The following SDK2 variants were observed in gnomAD, a reference collection of about 807,000 sequenced individuals.
SDK2 encodes sidekick cell adhesion molecule 2.
SDK2 carries 105 observed loss-of-function variants against 253.9 expected under a neutral mutation model. That is an observed-to-expected ratio of 0.41 (90% CI 0.35 to 0.49). The LOEUF is 0.49. SDK2 is among the 20% of genes least tolerant of loss of function. The pLI is 0.06. For synonymous variants in SDK2, 1,249 were observed against 1,234.9 expected, an observed-to-expected ratio of 1.01 and a Z score of -0.24; for missense variants, 2,608 against 3,003.0, an observed-to-expected ratio of 0.87 and a Z score of 3.07.
intron 18 of SDK2, among the ~76,000 whole-genome samples, chr17:73,412,296 G>A (rs899090641): frequency 4.0e-5 from 6 of 148,356 alleles, no homozygotes; most frequent in South Asian, 2.1e-4. Context: ...ATATATATAT[G>A]TGTGTATATA....
intron 1 of SDK2, among the ~76,000 whole-genome samples, chr17:73,523,366 G>T (rs957953740): frequency 1.3e-5 from 2 of 151,948 alleles, no homozygotes; most frequent in African/African-American, 4.8e-5. Context: ...ATTAAGGGCT[G>T]AATTGCACTG....
At chr17:73,627,687 C>A (rs369064805) in intron 1 of SDK2, among the ~76,000 whole-genome samples, 1 of 152,210 alleles carries the variant, frequency 6.6e-6, no homozygotes, top group African/African-American at 2.4e-5. Flanking sequence ...GGGTCAGCCA[C>A]GTTCCCAAAT....
intron 36 of SDK2, among the ~76,000 whole-genome samples, chr17:73,375,193 C>T (rs114741908): frequency 2.2e-3 from 299 of 138,370 alleles, no homozygotes; most frequent in African/African-American, 7.7e-3. Context: ...GGTTTTTGCT[C>T]AAATATCACC....
chr17:73,348,689 G>T lies in SDK2; in HGVS notation c.6075C>A (p.Tyr2025Ter), dbSNP rs1246809361. The part of the protein sequence containing the change: ...PPRPSPGSLH[Y>*]SDEDVTKYND... Reference sequence around the variant, plus strand: ...TGTATTTGGTGACATCCTCATCCGAGTAGTGCAGGCTGCCTGGGCTGGGCC... The same window carrying T: ...TGTATTTGGTGACATCCTCATCCGATTAGTGCAGGCTGCCTGGGCTGGGCC... Residue 2025 changes from tyrosine to a stop codon, truncating the protein, a stop_gained, in exon 44 of 45, where the codon TAC becomes TAA. Transcript: ENST00000392650. LOFTEE classifies it high-confidence loss of function. The T allele has an allele frequency of 6.2e-7, 1 of 1,611,422 alleles. No individual in the cohort carries two copies. The highest frequency in any genetic ancestry group is 8.5e-7 in the Non-Finnish European group (1 of 1,179,736).
At position 73,396,662 on chromosome 17, in the gene SDK2, G is replaced by A. The variant is rs151067704; in HGVS notation, c.3355-1270C>T. Among the ~76,000 whole-genome samples the A allele has an allele frequency of 2.0e-5, 3 of 152,324 alleles. No individual in the cohort carries two copies. The East Asian group carries it at 5.8e-4, about 29-fold the overall frequency. On this transcript the variant is annotated intron_variant, in intron 24 of 44. Transcript: ENST00000392650. Reference sequence around the variant, plus strand: ...AATGGACCACGCACCATTAAGCGTGGGCCTGAGAAGTGTCTAGGGCCCTGT... The same window carrying A: ...AATGGACCACGCACCATTAAGCGTGAGCCTGAGAAGTGTCTAGGGCCCTGT...
At chr17:73,500,202 TCCTC>T (rs1472233241) in intron 2 of SDK2, among the ~76,000 whole-genome samples, 7 of 131,774 alleles carry the variant, frequency 5.3e-5, no homozygotes, top group African/African-American at 2.1e-4. Flanking sequence ...CCTCCATCCA[TCCTC>T]CCTCCATCTC....
rs369285729 is a variant in SDK2, at chr17:73,601,332, T to G, written c.64+42693A>C. ...ACCGCGCCTGGCCTTACGAATGATCTAAGTTTAAGCACATGGACCCTTTGA... is the reference window on the plus strand; with the variant it reads ...ACCGCGCCTGGCCTTACGAATGATCGAAGTTTAAGCACATGGACCCTTTGA... On this transcript the variant is annotated intron_variant, in intron 1 of 44. Coordinates refer to ENST00000392650, the MANE Select transcript of SDK2 (RefSeq NM_001144952.2). Among the ~76,000 whole-genome samples, 4 of 152,260 alleles carry G rather than the reference T, an allele frequency of 2.6e-5. 1 individual carries two copies. Among genetic ancestry groups the G allele is most frequent in the Admixed American group, 2.0e-4 (3 of 15,304 alleles).
intron 1 of SDK2, among the ~76,000 whole-genome samples, chr17:73,526,303 A>T (rs2064125082): frequency 6.6e-6 from 1 of 152,214 alleles, no homozygotes; most frequent in Non-Finnish European, 1.5e-5. Flanking sequence ...AGGGGCCGCA[A>T]GAGCAGGCCT....
intron 15 of SDK2, among the ~76,000 whole-genome samples, chr17:73,419,593 G>T (rs2063211312): frequency 6.6e-6 from 1 of 151,952 alleles, no homozygotes; most frequent in South Asian, 2.1e-4. Context: ...TATAAGGCCA[G>T]ATGCTGTGGC....
At chr17:73,458,004 G>A (rs2063539827) in intron 3 of SDK2, among the ~76,000 whole-genome samples, 1 of 152,050 alleles carries the variant, frequency 6.6e-6, no homozygotes, top group Non-Finnish European at 1.5e-5. Context: ...TTAGAGACAG[G>A]GTCTCGCTCT....
rs1688793734 is a variant in SDK2 at position 73,443,765 on chromosome 17, G to A, written c.614-2842C>T. On this transcript the variant is annotated intron_variant, in intron 5 of 44. Coordinates refer to ENST00000392650, the MANE Select transcript of SDK2 (RefSeq NM_001144952.2). The surrounding 1 kb of genome is among the most constrained non-coding windows in gnomAD (Gnocchi z 4.6). ...CCTAGCTCTGCCCCCAGGTATCCTG[G>A]TGACTTCATCCTACTGAGTTTCAGT... Among the ~76,000 whole-genome samples, 1 of 152,186 alleles carries A rather than the reference G, an allele frequency of 6.6e-6. No homozygotes were observed. Among genetic ancestry groups the A allele is most frequent in the Non-Finnish European group, 1.5e-5 (1 of 68,028 alleles).
rs150151895 is a variant in SDK2 at position 73,498,831 on chromosome 17, G to A, written c.224+8607C>T. Among the ~76,000 whole-genome samples the A allele has an allele frequency of 1.6e-4, 24 of 152,260 alleles. No individual in the cohort carries two copies. In the East Asian group the frequency reaches 2.3e-3, roughly 15 times the overall value. On this transcript the variant is annotated intron_variant, in intron 2 of 44. Coordinates refer to ENST00000392650, the MANE Select transcript of SDK2 (RefSeq NM_001144952.2). ...AGTGGCTTAGAAAGTGCCACTGCCC[G>A]GGGGAAGGACAAGCTCAGCCAGGCA...
chr17:73,580,188 C>T (rs936343970), intron 1 of SDK2, among the ~76,000 whole-genome samples: 2 of 152,178 alleles, frequency 1.3e-5, no homozygotes, highest in African/African-American at 2.4e-5. Context: ...AGACGCCTTC[C>T]CTGCCCCCTC....
At chr17:73,501,397 G>A (rs965694940) in intron 2 of SDK2, among the ~76,000 whole-genome samples, 1 of 152,234 alleles carries the variant, frequency 6.6e-6, no homozygotes, top group Non-Finnish European at 1.5e-5. Flanking sequence ...CCTGTTCCAG[G>A]GGAGAGGCAG....
In SDK2 at chr17:73,454,150, T is replaced by A. The variant is rs1257551808; in HGVS notation, c.479+1756A>T. ...TAGTAGGCTGCACCATCTAGGTGTGTGTTCACACAACAATGAAACAGCCAA... is the reference window on the plus strand; with the variant it reads ...TAGTAGGCTGCACCATCTAGGTGTGAGTTCACACAACAATGAAACAGCCAA... On this transcript the variant is annotated intron_variant, in intron 4 of 44. Coordinates refer to ENST00000392650, the MANE Select transcript of SDK2 (RefSeq NM_001144952.2). Among the ~76,000 whole-genome samples, 7 of 152,350 alleles carry A rather than the reference T, an allele frequency of 4.6e-5. No individual in the cohort carries two copies. In the Middle Eastern group the frequency reaches 0.01, roughly 222 times the overall value.
In SDK2 at chr17:73,424,034, G is replaced by C. The variant is rs75334660; in HGVS notation, c.1642C>G (p.Leu548Val). ...ATGTGCAGGGAGCCGTTTCTGTCCA[G>C]GCGGATACGAGGATGGCTCTCCGTG... ...LGTESHPRIR[L>V]DRNGSLHISQ... Residue 548 changes from leucine to valine, a missense_variant, in exon 13 of 45, where the codon CTG becomes GTG. By Grantham distance (32) the Leu-to-Val change is conservative (BLOSUM62 1). Coordinates refer to ENST00000392650, the MANE Select transcript of SDK2 (RefSeq NM_001144952.2). The C allele has an allele frequency of 4.7e-5, 76 of 1,612,884 alleles. No homozygotes were observed. Among genetic ancestry groups the C allele is most frequent in the Non-Finnish European group, 6.2e-5 (73 of 1,179,630 alleles).
At chr17:73,388,818 C>CCTTCCTTCCTTCCCTCCCTCTCCT (rs1568377581) in intron 29 of SDK2, among the ~76,000 whole-genome samples, 1 of 23,226 alleles carries the variant, frequency 4.3e-5, no homozygotes, top group African/African-American at 8.9e-5. Context: ...TTCCCTCCCT[C>CCTTCCTTCCTTCCCTCCCTCTCCT]TCCTTCCTTC....
At position 73,440,811 on chromosome 17, in the gene SDK2, C is replaced by T. The variant is rs2063409633; in HGVS notation, c.725+1G>A. 1.3e-6 allele frequency: 2 copies of T among 1,548,514 alleles called. No individual in the cohort carries two copies. Among genetic ancestry groups the T allele is most frequent in the African/African-American group, 1.4e-5 (1 of 72,980 alleles). On this transcript the variant is annotated splice_donor_variant, in intron 6 of 44. Transcript: ENST00000392650. LOFTEE classifies it high-confidence loss of function. ...GGAGCGAGGGAAGATGCACTACCTA[C>T]CTGGCATTGGCCACACACTCCAAGG...
chr17:73,415,349 A>AC (rs1287780467), intron 17 of SDK2, among the ~76,000 whole-genome samples: 1 of 107,490 alleles, frequency 9.3e-6, no homozygotes, highest in Non-Finnish European at 1.9e-5. Flanking sequence ...ATTTCATTTC[A>AC]CTTTTTTTTT....
Sources: allele counts gnomAD v4.1 joint callset (sites outside exome capture counted in the v4.1 genomes callset), GRCh38; gene constraint gnomAD v4.1.1; non-coding constraint Gnocchi (gnomAD v3.1); transcripts MANE v1.5; gene names NCBI Gene and HGNC (gene_info 2026-07-23, HGNC 2026-07-21).